BHLHA9: variants seen among roughly 807,000 people sequenced by gnomAD.
BHLHA9 encodes the protein class A basic helix-loop-helix protein 9.
For missense variants in BHLHA9, 344 were observed against 365.9 expected (o/e 0.94, Z 0.49); for synonymous variants, 177 against 179.7 (o/e 0.98, Z 0.12).
rs1405121055 is a variant in BHLHA9 at position 1,270,842 on chromosome 17, G to A, written c.279G>A (p.Arg93=). Residue 93 remains arginine (R), a synonymous_variant, in exon 1 of 1, where the codon CGG becomes CGA. Coordinates refer to ENST00000391429, the MANE Select transcript of BHLHA9 (RefSeq NM_001164405.2). ...TCAACGCGCTGCGCCGGGCGCTGCG[G>A]CACGACCTGGGCGGCAAGAGGCTCT... ...EAFNALRRAL[R]HDLGGKRLSK... 6.8e-7 allele frequency: 1 copy of A among 1,476,362 alleles called. No homozygotes were observed. Among genetic ancestry groups the A allele is most frequent in the South Asian group, 1.3e-5 (1 of 78,356 alleles). The allele number at this position is 1,476,362 out of a possible 1,614,324, so 91.5% of individuals were successfully genotyped here. A position where few individuals can be genotyped will look rare whatever the true frequency, so the allele number is the denominator to read the frequency against.
In BHLHA9 at chr17:1,270,637, GC is replaced by G; in HGVS notation, c.78del (p.Cys27AlafsTer53). The G allele has an allele frequency of 7.7e-7, 1 of 1,301,092 alleles. No homozygotes were observed. The highest frequency in any genetic ancestry group is 9.7e-7 in the Non-Finnish European group (1 of 1,031,232). The allele number at this position is 1,301,092 out of a possible 1,614,324, so 80.6% of individuals were successfully genotyped here. On this transcript the variant is annotated frameshift_variant, in exon 1 of 1. Coordinates refer to ENST00000391429, the MANE Select transcript of BHLHA9 (RefSeq NM_001164405.2). LOFTEE classifies it low-confidence loss of function (END_TRUNC). ...GAGGACTCTGCGGAGGACTTGGGGG[GC>G]CCCTGCCCCGAGCCCGGGGGCGATT... ...GAEDSAEDLG[G>X]PCPEPGGDSG...
chr17:1,270,677 G>A lies in BHLHA9; in HGVS notation c.114G>A (p.Gly38=). The part of the protein sequence containing the change: ...PEPGGDSGVL[G]ANGASCSRGE... The stretch of plus-strand genomic sequence containing the variant: ...CCGGGGGCGATTCGGGGGTGCTGGG[G>A]GCGAACGGCGCTTCCTGCAGCCGGG... Residue 38 remains glycine, a synonymous_variant, in exon 1 of 1, where the codon GGG becomes GGA. Transcript: ENST00000391429. 7.6e-7 allele frequency: 1 copy of A among 1,322,350 alleles called. No homozygotes were observed. The highest frequency in any genetic ancestry group is 9.6e-7 in the Non-Finnish European group (1 of 1,045,012). 81.9% of individuals were successfully genotyped at this position (1,322,350 alleles called of 1,614,324 possible).
In BHLHA9 at chr17:1,271,097, G is replaced by A; in HGVS notation, c.534G>A (p.Ser178=). ...TGCCGTCCGCGCCCCGCTGCGCCTC[G>A]TGCCCCCCGCACGCGCCCCTGGCAC... ...PSVPSAPRCA[S]CPPHAPLARP... The change falls in exon 1 of 1, where the codon TCG becomes TCA. Residue 178 remains serine, a synonymous_variant. Coordinates refer to ENST00000391429, the MANE Select transcript of BHLHA9 (RefSeq NM_001164405.2). The A allele has an allele frequency of 8.1e-7, 1 of 1,231,702 alleles. No homozygotes were observed. Among genetic ancestry groups the A allele is most frequent in the Non-Finnish European group, 1.0e-6 (1 of 990,372 alleles). 76.3% of individuals were successfully genotyped at this position (1,231,702 alleles called of 1,614,324 possible).
chr17:1,271,347 C>G lies in BHLHA9; in HGVS notation c.*76C>G. Reference sequence around the variant, plus strand: ...ACTATAAAACCCGGGACTGCAAAGGCGTCTTGGACAGAGCAGAACTGGACC... The same window carrying G: ...ACTATAAAACCCGGGACTGCAAAGGGGTCTTGGACAGAGCAGAACTGGACC... On this transcript the variant is annotated 3_prime_UTR_variant, in exon 1 of 1. Transcript: ENST00000391429. 9.9e-7 allele frequency: 1 copy of G among 1,012,452 alleles called. No individual in the cohort carries two copies. Among genetic ancestry groups the G allele is most frequent in the Non-Finnish European group, 1.3e-6 (1 of 775,276 alleles). The allele number at this position is 1,012,452 out of a possible 1,614,324, so 62.7% of individuals were successfully genotyped here. A position where few individuals can be genotyped will look rare whatever the true frequency, so the allele number is the denominator to read the frequency against.
In BHLHA9 at chr17:1,271,743, C is replaced by T. The variant is rs1300663659; in HGVS notation, c.*472C>T. On this transcript the variant is annotated 3_prime_UTR_variant, in exon 1 of 1. Coordinates refer to ENST00000391429, the MANE Select transcript of BHLHA9 (RefSeq NM_001164405.2). ...CCCCTTCCCTGCCTGCGCTGCTGCC[C>T]AAGCCTGATCCGGGAGAGGCAGGAT... Among the ~76,000 whole-genome samples, 1 of 152,230 alleles carries T rather than the reference C, an allele frequency of 6.6e-6. No individual in the cohort carries two copies. Among genetic ancestry groups the T allele is most frequent in the African/African-American group, 2.4e-5 (1 of 41,456 alleles).
Position 1,270,854 on chromosome 17 carries a change from C to T in BHLHA9, c.291C>T (p.Gly97=). 2.0e-6 allele frequency: 3 copies of T among 1,475,860 alleles called. No homozygotes were observed. The highest frequency in any genetic ancestry group is 1.8e-6 in the Non-Finnish European group (2 of 1,118,956). The allele number at this position is 1,475,860 out of a possible 1,614,324, so 91.4% of individuals were successfully genotyped here. A position where few individuals can be genotyped will look rare whatever the true frequency, so the allele number is the denominator to read the frequency against. Reference sequence around the variant, plus strand: ...GCCGGGCGCTGCGGCACGACCTGGGCGGCAAGAGGCTCTCCAAGATCGCCA... The same window carrying T: ...GCCGGGCGCTGCGGCACGACCTGGGTGGCAAGAGGCTCTCCAAGATCGCCA... ...ALRRALRHDL[G]GKRLSKIATL... is the part of the protein sequence containing the mutation. The change falls in exon 1 of 1, where the codon GGC becomes GGT. Residue 97 remains glycine, a synonymous_variant. Transcript: ENST00000391429.
rs2071881595 is a variant in BHLHA9, at chr17:1,271,239, T to TCCGC, written c.679_682dup (p.Pro228ArgfsTer46). 2.5e-5 allele frequency: 31 copies of TCCGC among 1,254,906 alleles called. No individual in the cohort carries two copies. The highest frequency in any genetic ancestry group is 3.0e-5 in the Non-Finnish European group (30 of 992,900). The allele number at this position is 1,254,906 out of a possible 1,614,324, so 77.7% of individuals were successfully genotyped here. ...TCCCTGGCCGCGGGGCTACCTGCGA[T>TCCGC]CCGCCCCCGGGATGGGCCATCCGCG... On this transcript the variant is annotated frameshift_variant, in exon 1 of 1. Coordinates refer to ENST00000391429, the MANE Select transcript of BHLHA9 (RefSeq NM_001164405.2). LOFTEE classifies it high-confidence loss of function.
In BHLHA9 at chr17:1,270,773, C is replaced by T. The variant is rs2071875971; in HGVS notation, c.210C>T (p.Ala70=). ...GGTCCAAGGCGCGGCGCATGGCCGCCAACGTGCGGGAGCGCAAGCGCATCC... is the reference window on the plus strand; with the variant it reads ...GGTCCAAGGCGCGGCGCATGGCCGCTAACGTGCGGGAGCGCAAGCGCATCC... ...PVRSKARRMA[A]NVRERKRILD... Residue 70 remains alanine (A), a synonymous_variant, in exon 1 of 1, where the codon GCC becomes GCT. Coordinates refer to ENST00000391429, the MANE Select transcript of BHLHA9 (RefSeq NM_001164405.2). The T allele has an allele frequency of 1.4e-6, 2 of 1,462,642 alleles. No homozygotes were observed. Among genetic ancestry groups the T allele is most frequent in the Middle Eastern group, 1.8e-4 (1 of 5,520 alleles). 90.6% of individuals were successfully genotyped at this position (1,462,642 alleles called of 1,614,324 possible).
At position 1,271,433 on chromosome 17, in the gene BHLHA9, G is replaced by C. The variant is rs891469385; in HGVS notation, c.*162G>C. The C allele has an allele frequency of 4.0e-6, 2 of 496,716 alleles. No individual in the cohort carries two copies. Among genetic ancestry groups the C allele is most frequent in the African/African-American group, 4.0e-5 (2 of 49,992 alleles). 30.8% of individuals were successfully genotyped at this position (496,716 alleles called of 1,614,324 possible). On this transcript the variant is annotated 3_prime_UTR_variant, in exon 1 of 1. Coordinates refer to ENST00000391429, the MANE Select transcript of BHLHA9 (RefSeq NM_001164405.2). The stretch of plus-strand genomic sequence containing the variant: ...AGAGAGAAGGAGCTCCGGGACCCGG[G>C]GTTGCGCCCCCACATCCCAGCCTGG...
In BHLHA9 at chr17:1,270,818, C is replaced by T. The variant is rs1032727403; in HGVS notation, c.255C>T (p.Phe85=). 1.6e-5 allele frequency: 24 copies of T among 1,476,246 alleles called. No individual in the cohort carries two copies. The highest frequency in any genetic ancestry group is 1.0e-4 in the African/African-American group (7 of 68,222). 91.4% of individuals were successfully genotyped at this position (1,476,246 alleles called of 1,614,324 possible). ...RKRILDYNEA[F]NALRRALRHD... ...GCATCCTAGACTACAACGAGGCCTT[C>T]AACGCGCTGCGCCGGGCGCTGCGGC... The change falls in exon 1 of 1, where the codon TTC becomes TTT. Residue 85 remains phenylalanine (F), a synonymous_variant. Coordinates refer to ENST00000391429, the MANE Select transcript of BHLHA9 (RefSeq NM_001164405.2).
rs1175638322 is a variant in BHLHA9 at position 1,271,049 on chromosome 17, C to G, written c.486C>G (p.Arg162=). 1.0e-4 allele frequency: 118 copies of G among 1,184,376 alleles called. 1 individual carries two copies. The East Asian group carries it at 4.3e-3, about 43-fold the overall frequency. 73.4% of individuals were successfully genotyped at this position (1,184,376 alleles called of 1,614,324 possible). Residue 162 remains arginine, a synonymous_variant, in exon 1 of 1, where the codon CGC becomes CGG. Coordinates refer to ENST00000391429, the MANE Select transcript of BHLHA9 (RefSeq NM_001164405.2). ...PPPPAGPSLA[R]PDAARPSVPS... ...CGCCTGCAGGGCCCAGCCTCGCGCG[C>G]CCAGACGCCGCCCGCCCCTCGGTGC...
chr17:1,271,228 G>A lies in BHLHA9; in HGVS notation c.665G>A (p.Gly222Asp), dbSNP rs1413900871. 13 of 1,254,402 alleles carry A rather than the reference G, an allele frequency of 1.0e-5. No individual in the cohort carries two copies. The highest frequency in any genetic ancestry group is 4.7e-5 in the African/African-American group (3 of 64,460). The allele number at this position is 1,254,402 out of a possible 1,614,324, so 77.7% of individuals were successfully genotyped here. A position where few individuals can be genotyped will look rare whatever the true frequency, so the allele number is the denominator to read the frequency against. Residue 222 changes from glycine to aspartate, a missense_variant, in exon 1 of 1, where the codon GGC (glycine) becomes GAC (aspartate). Gly to Asp is a moderately conservative substitution (Grantham distance 94). Transcript: ENST00000391429. ...GCCGGGCCGCCTCCCTGGCCGCGGG[G>A]CTACCTGCGATCCGCCCCCGGGATG... ...SSAGPPPWPR[G>D]YLRSAPGMGH... is the part of the protein sequence containing the mutation.
At position 1,271,242 on chromosome 17, in the gene BHLHA9, GC is replaced by G. The variant is rs1024020031; in HGVS notation, c.684del (p.Met230TrpfsTer87). ...CTGGCCGCGGGGCTACCTGCGATCC[GC>G]CCCCGGGATGGGCCATCCGCGCTCC... ...PPWPRGYLRS[A>X]PGMGHPRS On this transcript the variant is annotated frameshift_variant, in exon 1 of 1. Transcript: ENST00000391429. LOFTEE classifies it high-confidence loss of function. The G allele has an allele frequency of 2.4e-6, 3 of 1,253,982 alleles. No individual in the cohort carries two copies. Among genetic ancestry groups the G allele is most frequent in the Admixed American group, 4.2e-5 (1 of 23,692 alleles). 77.7% of individuals were successfully genotyped at this position (1,253,982 alleles called of 1,614,324 possible). A position where few individuals can be genotyped will look rare whatever the true frequency, so the allele number is the denominator to read the frequency against.
Position 1,271,245 on chromosome 17 carries a change from C to A in BHLHA9, c.682C>A (p.Pro228Thr). 1.6e-6 allele frequency: 2 copies of A among 1,254,604 alleles called. No individual in the cohort carries two copies. Among genetic ancestry groups the A allele is most frequent in the Non-Finnish European group, 2.0e-6 (2 of 992,376 alleles). The allele number at this position is 1,254,604 out of a possible 1,614,324, so 77.7% of individuals were successfully genotyped here. ...PWPRGYLRSA[P>T]GMGHPRS ...GCCGCGGGGCTACCTGCGATCCGCC[C>A]CCGGGATGGGCCATCCGCGCTCCTG... The change falls in exon 1 of 1, where the codon CCC becomes ACC. Residue 228 changes from proline to threonine, a missense_variant. Physicochemically the swap from Pro to Thr is conservative, Grantham distance 38. Coordinates refer to ENST00000391429, the MANE Select transcript of BHLHA9 (RefSeq NM_001164405.2).
In BHLHA9 at chr17:1,270,527, C is replaced by CA; in HGVS notation, c.-37_-36insA. The CA allele has an allele frequency of 8.5e-7, 1 of 1,173,912 alleles. No individual in the cohort carries two copies. The highest frequency in any genetic ancestry group is 1.1e-6 in the Non-Finnish European group (1 of 925,030). 72.7% of individuals were successfully genotyped at this position (1,173,912 alleles called of 1,614,324 possible). A position where few individuals can be genotyped will look rare whatever the true frequency, so the allele number is the denominator to read the frequency against. ...TGGGCAGAGGGCAGAGGGCAGAGGG[C>CA]CGGGGCTGGGGCAGAGGGCGAGTGC... On this transcript the variant is annotated 5_prime_UTR_variant, in exon 1 of 1. Transcript: ENST00000391429.
chr17:1,271,543 T>C lies in BHLHA9; in HGVS notation c.*272T>C. On this transcript the variant is annotated 3_prime_UTR_variant, in exon 1 of 1. Transcript: ENST00000391429. ...CAGTTGCCAGAAAGGCTCAGGATCC[T>C]GAACTCATCTTGGACTCGAACTCGT... The C allele has an allele frequency of 5.4e-6, 2 of 368,044 alleles. No individual in the cohort carries two copies. The highest frequency in any genetic ancestry group is 8.0e-5 in the East Asian group (2 of 24,994). The allele number at this position is 368,044 out of a possible 1,614,324, so 22.8% of individuals were successfully genotyped here.
rs1182518932 is a variant in BHLHA9 at position 1,270,770 on chromosome 17, C to G, written c.207C>G (p.Ala69=). The change falls in exon 1 of 1, where the codon GCC becomes GCG. Residue 69 remains alanine, a synonymous_variant. Coordinates refer to ENST00000391429, the MANE Select transcript of BHLHA9 (RefSeq NM_001164405.2). ...TGCGGTCCAAGGCGCGGCGCATGGC[C>G]GCCAACGTGCGGGAGCGCAAGCGCA... ...RPVRSKARRM[A]ANVRERKRIL... 2 of 1,461,544 alleles carry G rather than the reference C, an allele frequency of 1.4e-6. No individual in the cohort carries two copies. Among genetic ancestry groups the G allele is most frequent in the Non-Finnish European group, 1.8e-6 (2 of 1,111,062 alleles). The allele number at this position is 1,461,544 out of a possible 1,614,324, so 90.5% of individuals were successfully genotyped here. A position where few individuals can be genotyped will look rare whatever the true frequency, so the allele number is the denominator to read the frequency against.
rs1180503091 is a variant in BHLHA9 at position 1,270,912 on chromosome 17, C to G, written c.349C>G (p.Leu117Val). ...LRRAIHRIAA[L>V]SLVLRASPAP... ...CAGGGCCATCCACCGCATCGCCGCG[C>G]TCTCCCTGGTCCTGCGCGCCAGCCC... Residue 117 changes from leucine (L) to valine (V), a missense_variant, in exon 1 of 1, where the codon CTC becomes GTC. By Grantham distance (32) the Leu-to-Val change is conservative (BLOSUM62 1). Coordinates refer to ENST00000391429, the MANE Select transcript of BHLHA9 (RefSeq NM_001164405.2). The G allele has an allele frequency of 4.1e-5, 58 of 1,421,180 alleles. No homozygotes were observed. Among genetic ancestry groups the G allele is most frequent in the Non-Finnish European group, 5.2e-5 (57 of 1,088,944 alleles). The allele number at this position is 1,421,180 out of a possible 1,614,324, so 88.0% of individuals were successfully genotyped here.
At position 1,270,760 on chromosome 17, in the gene BHLHA9, G is replaced by C. The variant is rs1426942493; in HGVS notation, c.197G>C (p.Arg66Pro). The change falls in exon 1 of 1, where the codon CGG becomes CCG. Residue 66 changes from arginine (R) to proline (P), a missense_variant. Physicochemically the swap from Arg to Pro is moderately radical, Grantham distance 103. Transcript: ENST00000391429. ...RRARPVRSKA[R>P]RMAANVRERK... is the part of the protein sequence containing the mutation. The stretch of plus-strand genomic sequence containing the variant: ...GCGCGGCCGGTGCGGTCCAAGGCGC[G>C]GCGCATGGCCGCCAACGTGCGGGAG... 1 of 1,454,846 alleles carries C rather than the reference G, an allele frequency of 6.9e-7. No homozygotes were observed. Among genetic ancestry groups the C allele is most frequent in the African/African-American group, 1.5e-5 (1 of 67,878 alleles). 90.1% of individuals were successfully genotyped at this position (1,454,846 alleles called of 1,614,324 possible). A position where few individuals can be genotyped will look rare whatever the true frequency, so the allele number is the denominator to read the frequency against.
Sources: allele counts gnomAD v4.1 joint callset (sites outside exome capture counted in the v4.1 genomes callset), GRCh38; gene constraint gnomAD v4.1.1; transcripts MANE v1.5; gene names NCBI Gene and HGNC (gene_info 2026-07-23, HGNC 2026-07-21).